The following ENAM variants were observed in gnomAD, a reference collection of about 807,000 sequenced individuals.
The protein encoded by ENAM is amelogenesis imperfecta 2, hypocalcification (autosomal dominant).
In ENAM, 21 loss-of-function variants were observed where a neutral mutation model predicts 33.6. That is an observed-to-expected ratio of 0.63 (90% confidence interval 0.44 to 0.90). ENAM has a LOEUF of 0.90. ENAM is among the 40% of genes least tolerant of loss of function. ENAM has a pLI of 0.00. For missense variants in ENAM, 1,388 were observed against 1,366.9 expected, an observed-to-expected ratio of 1.02 and a Z score of -0.24; for synonymous variants, 473 against 468.4, an observed-to-expected ratio of 1.01 and a Z score of -0.13.
rs1402522792 is a variant in ENAM, at chr4:70,642,345, A to C, written c.919A>C (p.Ile307Leu). 6.2e-7 allele frequency: 1 copy of C among 1,614,192 alleles called. No homozygotes were observed. The highest frequency in any genetic ancestry group is 1.7e-5 in the Admixed American group (1 of 60,020). The change falls in exon 9 of 9, where the codon ATC becomes CTC. Residue 307 changes from isoleucine (I) to leucine (L), a missense_variant. Transcript: ENST00000396073. ...ASGQGGPGSQ[I>L]PWRPSQPNIR... The stretch of plus-strand genomic sequence containing the variant: ...AGGCCAGGGAGGGCCAGGAAGTCAA[A>C]TCCCATGGAGACCAAGTCAGCCAAA...
chr4:70,644,689 C>T lies in ENAM; in HGVS notation c.3263C>T (p.Thr1088Met), dbSNP rs139404568. The T allele has an allele frequency of 4.3e-6, 7 of 1,614,028 alleles. No homozygotes were observed. Among genetic ancestry groups the T allele is most frequent in the African/African-American group, 4.0e-5 (3 of 74,920 alleles). Reference sequence around the variant, plus strand: ...AGCCCATTTGATGGGGATTCAATTACGCCTACTGAAAATCCTAACACATTG... The same window carrying T: ...AGCCCATTTGATGGGGATTCAATTATGCCTACTGAAAATCCTAACACATTG... ...RQSPFDGDSI[T>M]PTENPNTLVE... The change falls in exon 9 of 9, where the codon ACG (threonine) becomes ATG (methionine). Residue 1088 changes from threonine to methionine, a missense_variant. Coordinates refer to ENST00000396073, the MANE Select transcript of ENAM (RefSeq NM_031889.3).
chr4:70,642,937 T>C lies in ENAM; in HGVS notation c.1511T>C (p.Val504Ala). 1.9e-6 allele frequency: 3 copies of C among 1,614,036 alleles called. No individual in the cohort carries two copies. The highest frequency in any genetic ancestry group is 2.5e-6 in the Non-Finnish European group (3 of 1,180,012). ...TACCCAAGAGGAGATTCCAGAAAAGTCCCAAATTCTGATGGACAAACCCAA... is the reference window on the plus strand; with the variant it reads ...TACCCAAGAGGAGATTCCAGAAAAGCCCCAAATTCTGATGGACAAACCCAA... ...SYYPRGDSRK[V>A]PNSDGQTQSQ... The change falls in exon 9 of 9, where the codon GTC (valine) becomes GCC (alanine). Residue 504 changes from valine to alanine, a missense_variant. Physicochemically the swap from Val to Ala is moderately conservative, Grantham distance 64. Transcript: ENST00000396073.
Position 70,642,112 on chromosome 4 carries a change from A to T in ENAM, c.686A>T (p.Glu229Val), listed in dbSNP as rs753217546. The T allele has an allele frequency of 1.2e-5, 19 of 1,614,016 alleles. No homozygotes were observed. Among genetic ancestry groups the T allele is most frequent in the Admixed American group, 3.3e-5 (2 of 59,996 alleles). ...MFEQDFEKPK[E>V]EDPPKAESPG... ...GAACAAGATTTTGAAAAACCCAAAGAAGAAGATCCTCCTAAAGCAGAAAGT... is the reference window on the plus strand; with the variant it reads ...GAACAAGATTTTGAAAAACCCAAAGTAGAAGATCCTCCTAAAGCAGAAAGT... The change falls in exon 9 of 9, where the codon GAA becomes GTA. Residue 229 changes from glutamate (E) to valine (V), a missense_variant. Coordinates refer to ENST00000396073, the MANE Select transcript of ENAM (RefSeq NM_031889.3).
intron 2 of ENAM, 60 bp from the exon 3 acceptor site, chr4:70,631,610 A>C: frequency 8.2e-7 from 1 of 1,218,114 alleles, no homozygotes; most frequent in East Asian, 2.3e-5. Context: ...AGATAAGTGC[A>C]GAGTGCCCTA....
Position 70,631,730 on chromosome 4 carries a change from G to T in ENAM, c.115G>T (p.Ala39Ser), listed in dbSNP as rs771520507. Reference protein sequence around the residue: ...VFLGLLGNSVAMPMHMPRMPG... With the variant: ...VFLGLLGNSVSMPMHMPRMPG... ...TCTAGGGCTTCTTGGTAATTCTGTT[G>T]CTATGCCAGTGAGTATTTTTTAAAT... The change falls in exon 3 of 9, where the codon GCT becomes TCT. Residue 39 changes from alanine (A) to serine (S), a missense_variant. Transcript: ENST00000396073. 1 of 1,613,366 alleles carries T rather than the reference G, an allele frequency of 6.2e-7. No homozygotes were observed. Among genetic ancestry groups the T allele is most frequent in the East Asian group, 2.2e-5 (1 of 44,862 alleles).
rs1419543152 is a variant in ENAM at position 70,643,895 on chromosome 4, G to A, written c.2469G>A (p.Trp823Ter). 1.2e-6 allele frequency: 2 copies of A among 1,614,010 alleles called. No individual in the cohort carries two copies. Among genetic ancestry groups the A allele is most frequent in the African/African-American group, 2.7e-5 (2 of 74,920 alleles). The change falls in exon 9 of 9, where the codon TGG (tryptophan) becomes TGA (stop). Residue 823 changes from tryptophan (W) to a stop codon, truncating the protein, a stop_gained. Coordinates refer to ENST00000396073, the MANE Select transcript of ENAM (RefSeq NM_031889.3). LOFTEE classifies it low-confidence loss of function (END_TRUNC). ...TPAGLQKNPIWHEGENLNYGM... is the reference protein window; with the variant it reads ...TPAGLQKNPI Reference sequence around the variant, plus strand: ...CTGGGCTTCAGAAAAATCCAATATGGCATGAAGGTGAGAATTTGAACTATG... The same window carrying A: ...CTGGGCTTCAGAAAAATCCAATATGACATGAAGGTGAGAATTTGAACTATG...
chr4:70,631,070 T>C (rs1464910810), intron 2 of ENAM, among the ~76,000 whole-genome samples: 2 of 152,036 alleles, frequency 1.3e-5, no homozygotes, highest in African/African-American at 2.4e-5. Flanking sequence ...GAAGTGATGA[T>C]GATGATAATA....
At chr4:70,631,592 TAGTACTTAGATA>T in intron 2 of ENAM, 66 bp from the exon 3 acceptor site, 1 of 1,037,510 alleles carries the variant, frequency 9.6e-7, no homozygotes, top group Admixed American at 1.7e-5. Context: ...ACAAGTAGGC[TAGTACTTAGATA>T]AGTGCAGAGT....
intron 7 of ENAM, among the ~76,000 whole-genome samples, chr4:70,636,651 C>A (rs1337208826): frequency 6.6e-6 from 1 of 152,054 alleles, no homozygotes; most frequent in Non-Finnish European, 1.5e-5. Context: ...CACCTGTAAT[C>A]CCAGATATTC....
chr4:70,642,182 T>G lies in ENAM; in HGVS notation c.756T>G (p.Asn252Lys). 1.2e-6 allele frequency: 2 copies of G among 1,614,136 alleles called. No homozygotes were observed. Among genetic ancestry groups the G allele is most frequent in the Non-Finnish European group, 1.7e-6 (2 of 1,180,028 alleles). The change falls in exon 9 of 9, where the codon AAT becomes AAG. Residue 252 changes from asparagine (N) to lysine (K), a missense_variant. Asn to Lys is a moderately conservative substitution (Grantham distance 94). Coordinates refer to ENST00000396073, the MANE Select transcript of ENAM (RefSeq NM_031889.3). ...PTANSTVTET[N>K]STQPNPKGSQ... ...CTAATTCAACAGTCACTGAGACGAA[T>G]TCTACCCAACCAAATCCTAAAGGGA...
At position 70,643,093 on chromosome 4, in the gene ENAM, C is replaced by A. The variant is rs756423844; in HGVS notation, c.1667C>A (p.Ala556Glu). ...TACCCTGAGGAAATCCCTTCTCCTG[C>A]AAAAGAACATTTTCCTGCTGGAAGA... Reference protein sequence around the residue: ...AVYPEEIPSPAKEHFPAGRNT... With the variant: ...AVYPEEIPSPEKEHFPAGRNT... The change falls in exon 9 of 9, where the codon GCA becomes GAA. Residue 556 changes from alanine (A) to glutamate (E), a missense_variant. Coordinates refer to ENST00000396073, the MANE Select transcript of ENAM (RefSeq NM_031889.3). The A allele has an allele frequency of 2.5e-6, 4 of 1,613,824 alleles. No individual in the cohort carries two copies. Among genetic ancestry groups the A allele is most frequent in the Admixed American group, 1.7e-5 (1 of 59,996 alleles).
At chr4:70,636,097 A>G (rs1289415529) in intron 7 of ENAM, among the ~76,000 whole-genome samples, 1 of 152,208 alleles carries the variant, frequency 6.6e-6, no homozygotes, top group Non-Finnish European at 1.5e-5. Context: ...TGACATAAAT[A>G]CAACCTAAAT....
Position 70,634,579 on chromosome 4 carries a change from C to G in ENAM, c.471+11C>G. 13 of 1,613,800 alleles carry G rather than the reference C, an allele frequency of 8.1e-6. No individual in the cohort carries two copies. Among genetic ancestry groups the G allele is most frequent in the Non-Finnish European group, 1.1e-5 (13 of 1,179,814 alleles). ...GCTCAACCCCCTCAGGTGAGACTTG[C>G]ACAGAAAAATTCCATATCTGTAAAT... is the stretch of plus-strand genomic sequence containing the variant. On this transcript the variant is annotated intron_variant, in intron 6 of 8. Transcript: ENST00000396073.
At chr4:70,632,596 T>C in intron 4 of ENAM, 55 bp from the exon 5 acceptor site, 1 of 1,223,820 alleles carries the variant, frequency 8.2e-7, no homozygotes, top group Non-Finnish European at 1.2e-6. Context: ...GATTTGTGCA[T>C]TGATTTAATA....
intron 4 of ENAM, 56 bp downstream of exon 4, chr4:70,631,949 A>C: frequency 7.1e-7 from 1 of 1,406,566 alleles, no homozygotes; most frequent in Non-Finnish European, 1.0e-6. Flanking sequence ...CTACACATTT[A>C]CTAAAAAGGA....
chr4:70,635,278 G>A (rs1017822638), intron 6 of ENAM, among the ~76,000 whole-genome samples: 2 of 152,200 alleles, frequency 1.3e-5, no homozygotes, highest in East Asian at 1.9e-4. Flanking sequence ...TCAGGAGGCT[G>A]AGGCAGAAGA....
At chr4:70,636,811 A>C (rs1305044317) in intron 7 of ENAM, among the ~76,000 whole-genome samples, 1 of 152,190 alleles carries the variant, frequency 6.6e-6, no homozygotes, top group Non-Finnish European at 1.5e-5. Context: ...GTTTACAAGA[A>C]GCCTCAAAGA....
Position 70,645,221 on chromosome 4 carries a change from ACTTTCC to A in ENAM, c.*367_*372del. 3.5e-6 allele frequency: 1 copy of A among 284,332 alleles called. No individual in the cohort carries two copies. The highest frequency in any genetic ancestry group is 6.4e-6 in the Non-Finnish European group (1 of 155,890). 17.6% of individuals were successfully genotyped at this position (284,332 alleles called of 1,614,324 possible). A position where few individuals can be genotyped will look rare whatever the true frequency, so the allele number is the denominator to read the frequency against. ...TTTTTCAAGACTGAAAGGCAGATTA[ACTTTCC>A]ATTCTACTTATGGAGATCCACACAT... On this transcript the variant is annotated 3_prime_UTR_variant, in exon 9 of 9. Transcript: ENST00000396073.
intron 8 of ENAM, among the ~76,000 whole-genome samples, chr4:70,640,483 G>A (rs184166041): frequency 3.6e-4 from 55 of 152,298 alleles, no homozygotes; most frequent in East Asian, 3.3e-3. Context: ...AGAATTCAAC[G>A]TAGTTGTGAT....
Sources: allele counts gnomAD v4.1 joint callset (sites outside exome capture counted in the v4.1 genomes callset), GRCh38; gene constraint gnomAD v4.1.1; transcripts MANE v1.5; gene names NCBI Gene and HGNC (gene_info 2026-07-23, HGNC 2026-07-21).